Variants in KCNIP4 observed in about 807,000 individuals in gnomAD.
KCNIP4 encodes potassium voltage-gated channel interacting protein 4, also known as Kv channel-interacting protein 4.
In KCNIP4, 12 loss-of-function variants were observed where a neutral mutation model predicts 34.0. The ratio of observed to expected loss-of-function variants is 0.35; its 90% CI spans 0.23 to 0.57. The LOEUF (loss-of-function observed/expected upper bound fraction) is 0.57, where lower values mean the gene tolerates loss of function less well. Among genes scored for constraint, KCNIP4 ranks in the 20% least tolerant of loss-of-function variants. KCNIP4 has a pLI of 0.83. For missense variants in KCNIP4, 238 were observed against 311.7 expected (o/e 0.76, Z 1.78); for synonymous variants, 124 against 102.2 (o/e 1.21, Z -1.29).
chr4:21,423,823 T>C (rs907198529), intron 1 of KCNIP4, among the ~76,000 whole-genome samples: 2 of 151,916 alleles, frequency 1.3e-5, no homozygotes, highest in African/African-American at 2.4e-5. Context: ...TTTTTTTTTT[T>C]TTGAGACGGA....
intron 1 of KCNIP4, among the ~76,000 whole-genome samples, chr4:21,649,487 T>C (rs1327644798): frequency 6.6e-6 from 1 of 152,154 alleles, no homozygotes; most frequent in African/African-American, 2.4e-5. Context: ...GTACCTCTCT[T>C]GGGTGGTAAA....
chr4:21,639,779 T>C (rs1205344803), intron 1 of KCNIP4, among the ~76,000 whole-genome samples: 1 of 152,208 alleles, frequency 6.6e-6, no homozygotes, highest in Non-Finnish European at 1.5e-5. Context: ...TTAGGAATTT[T>C]GCTAGTTGCT....
intron 1 of KCNIP4, among the ~76,000 whole-genome samples, chr4:21,792,263 A>G (rs150710294): frequency 5.6e-4 from 85 of 152,324 alleles, no homozygotes; most frequent in Non-Finnish European, 9.6e-4. Flanking sequence ...TGAAGGAATC[A>G]GCAAGGAGAT....
At chr4:21,327,448 C>A (rs930399481) in intron 1 of KCNIP4, among the ~76,000 whole-genome samples, 1 of 152,024 alleles carries the variant, frequency 6.6e-6, no homozygotes, top group African/African-American at 2.4e-5. Flanking sequence ...TTATTTGTTT[C>A]TGTTTTCTTG....
intron 1 of KCNIP4, among the ~76,000 whole-genome samples, chr4:21,053,554 T>C (rs943070972): frequency 9.9e-5 from 15 of 152,178 alleles, no homozygotes; most frequent in African/African-American, 3.6e-4. Context: ...GTAAACACCT[T>C]GTAAATGAAG....
intron 1 of KCNIP4, among the ~76,000 whole-genome samples, chr4:21,084,341 A>T (rs1746241146): frequency 6.6e-6 from 1 of 151,902 alleles, no homozygotes; most frequent in South Asian, 2.1e-4. Context: ...ATTGATACAA[A>T]CACTTGAACA....
At chr4:21,931,283 T>C (rs1458660495) in intron 1 of KCNIP4, among the ~76,000 whole-genome samples, 1 of 151,978 alleles carries the variant, frequency 6.6e-6, no homozygotes, top group Non-Finnish European at 1.5e-5. Context: ...TTTTTTAAAT[T>C]ATACTTTAAG....
At position 21,860,547 on chromosome 4, in the gene KCNIP4, C is replaced by A. The variant is rs190647993; in HGVS notation, c.61+88024G>T. 2.6e-3 allele frequency among the ~76,000 whole-genome samples: 402 copies of A among 152,192 alleles called. 4 individuals carry two copies. Among genetic ancestry groups the A allele is most frequent in the African/African-American group, 9.4e-3 (389 of 41,526 alleles). On this transcript the variant is annotated intron_variant, in intron 1 of 8. Coordinates refer to ENST00000382152, the MANE Select transcript of KCNIP4 (RefSeq NM_025221.6). The stretch of plus-strand genomic sequence containing the variant: ...CTAAAAGAATATAATTATTTTATCT[C>A]ACCTAAATATGCTTAAAAAGAAATT...
intron 1 of KCNIP4, among the ~76,000 whole-genome samples, chr4:21,677,030 G>T (rs55782563): frequency 0.031 from 4,615 of 150,152 alleles, 71 homozygotes; most frequent in South Asian, 0.051. Flanking sequence ...CAAAGATAAT[G>T]GATTTCTACA....
At chr4:21,575,884 T>G (rs893879565) in intron 1 of KCNIP4, among the ~76,000 whole-genome samples, 1 of 152,170 alleles carries the variant, frequency 6.6e-6, no homozygotes, top group Admixed American at 6.6e-5. Context: ...GATCTGCCAA[T>G]GCAGACAACC....
intron 2 of KCNIP4, among the ~76,000 whole-genome samples, chr4:20,852,102 A>T (rs1721097884): frequency 6.6e-6 from 1 of 152,182 alleles, no homozygotes; most frequent in Non-Finnish European, 1.5e-5. Context: ...GAGATAGAGA[A>T]AGAAGGAAAC....
chr4:21,653,757 G>C (rs905718322), intron 1 of KCNIP4, among the ~76,000 whole-genome samples: 8 of 152,178 alleles, frequency 5.3e-5, no homozygotes, highest in Non-Finnish European at 8.8e-5. Context: ...ATTATTATAA[G>C]CACAGTAAAG....
intron 1 of KCNIP4, among the ~76,000 whole-genome samples, chr4:21,455,844 T>TTTTTTACAGA (rs1728915181): frequency 9.2e-6 from 1 of 108,582 alleles, no homozygotes; most frequent in African/African-American, 3.6e-5. Context: ...TATATATATA[T>TTTTTTACAGA]ATATATATAT....
chr4:20,929,885 A>G (rs10938820), intron 1 of KCNIP4, among the ~76,000 whole-genome samples: 20,521 of 152,030 alleles, frequency 0.13, 1,946 homozygotes, highest in African/African-American at 0.28. Context: ...ACATATAAAT[A>G]GAATAATATT....
At chr4:21,589,263 C>T (rs1741957371) in intron 1 of KCNIP4, among the ~76,000 whole-genome samples, 1 of 105,338 alleles carries the variant, frequency 9.5e-6, no homozygotes, top group Admixed American at 9.3e-5. Flanking sequence ...TGTATCTATA[C>T]AGATACATAT....
intron 1 of KCNIP4, among the ~76,000 whole-genome samples, chr4:21,913,232 T>A (rs1413260495): frequency 2.6e-5 from 4 of 152,022 alleles, no homozygotes; most frequent in Admixed American, 1.3e-4. Flanking sequence ...ACCAGCTACT[T>A]GGGAGGCTGA....
chr4:21,385,369 A>G (rs1286022888), intron 1 of KCNIP4, among the ~76,000 whole-genome samples: 1 of 152,174 alleles, frequency 6.6e-6, no homozygotes, highest in African/African-American at 2.4e-5. Context: ...CTAAGGCTCT[A>G]CAAAGGGTTC....
At chr4:21,824,814 A>T (rs1374949566) in intron 1 of KCNIP4, among the ~76,000 whole-genome samples, 2 of 152,162 alleles carry the variant, frequency 1.3e-5, no homozygotes, top group Non-Finnish European at 2.9e-5. Context: ...GATGCTAGAG[A>T]CACAGGGCCC....
intron 1 of KCNIP4, among the ~76,000 whole-genome samples, chr4:21,021,362 TAC>T (rs1560652780): frequency 1.3e-5 from 2 of 152,220 alleles, no homozygotes; most frequent in African/African-American, 4.8e-5. Context: ...ATAAACATTG[TAC>T]ACAGAGGTTA....
Sources: allele counts gnomAD v4.1 joint callset (sites outside exome capture counted in the v4.1 genomes callset), GRCh38; gene constraint gnomAD v4.1.1; transcripts MANE v1.5; gene names NCBI Gene and HGNC (gene_info 2026-07-23, HGNC 2026-07-21).